Variants in RHOBTB2 observed in about 807,000 individuals in gnomAD.
The protein encoded by RHOBTB2 is rho-related BTB domain-containing protein 2.
RHOBTB2 carries 39 observed loss-of-function variants against 66.5 expected under a neutral mutation model. The observed-to-expected ratio is 0.59, with a 90% confidence interval of 0.45 to 0.77. The LOEUF is 0.77. RHOBTB2 is among the 30% of genes least tolerant of loss of function. RHOBTB2 has a pLI of 0.00. For missense variants in RHOBTB2, 755 were observed against 999.1 expected, an observed-to-expected ratio of 0.76 and a Z score of 3.29; for synonymous variants, 390 against 395.0, an observed-to-expected ratio of 0.99 and a Z score of 0.15.
chr8:22,972,929 G>A, the RHOBTB2 span, among the ~76,000 whole-genome samples: 1 of 152,132 alleles, frequency 6.6e-6, no homozygotes, highest in African/African-American at 2.4e-5. Context: ...GCCATCCTGC[G>A]ATGGGTGCAG....
chr8:22,951,530 A>G, the RHOBTB2 span, among the ~76,000 whole-genome samples: 1 of 152,114 alleles, frequency 6.6e-6, no homozygotes, highest in East Asian at 1.9e-4. Flanking sequence ...GTTTTGGGAT[A>G]GGCGGTGGAG....
At chr8:22,969,427 T>C in the RHOBTB2 span, among the ~76,000 whole-genome samples, 3 of 152,182 alleles carry the variant, frequency 2.0e-5, no homozygotes, top group African/African-American at 7.2e-5. Flanking sequence ...AGAAAGCCAT[T>C]ATAAACCAAT....
chr8:23,016,547 G>A (rs1293665816), intron 9 of RHOBTB2, among the ~76,000 whole-genome samples: 1 of 152,088 alleles, frequency 6.6e-6, no homozygotes, highest in Non-Finnish European at 1.5e-5. Context: ...GGGTAGCTGG[G>A]ATTACAGGTA....
At chr8:22,965,629 A>G in the RHOBTB2 span, among the ~76,000 whole-genome samples, 1 of 152,236 alleles carries the variant, frequency 6.6e-6, no homozygotes, top group African/African-American at 2.4e-5. Flanking sequence ...AAACCCTTGC[A>G]TATATGGTCA....
chr8:22,955,620 A>G, the RHOBTB2 span, among the ~76,000 whole-genome samples: 1 of 131,076 alleles, frequency 7.6e-6, no homozygotes, highest in Admixed American at 9.1e-5. Context: ...CCCAGGCTGG[A>G]GTACAGTGGC....
At chr8:22,976,132 C>A in the RHOBTB2 span, among the ~76,000 whole-genome samples, 4 of 151,472 alleles carry the variant, frequency 2.6e-5, no homozygotes. Context: ...GGTGACAGAG[C>A]GAGACTCTGT....
rs1361150996 is a variant in RHOBTB2, at chr8:23,007,186, C to T, written c.941C>T (p.Thr314Ile). 1 of 1,603,788 alleles carries T rather than the reference C, an allele frequency of 6.2e-7. No individual in the cohort carries two copies. The highest frequency in any genetic ancestry group is 1.3e-5 in the African/African-American group (1 of 74,890). ...ELGGPSEPGG[T>I]HPEDHQGHSD... ...GGGGGCCCCTCGGAGCCAGGGGGCA[C>T]CCACCCAGAGGACCACCAGGGCCAC... Residue 314 changes from threonine (T) to isoleucine (I), a missense_variant, in exon 5 of 10, where the codon ACC (threonine) becomes ATC (isoleucine). Physicochemically the swap from Thr to Ile is moderately conservative, Grantham distance 89. Transcript: ENST00000251822.
intron 7 of RHOBTB2, among the ~76,000 whole-genome samples, chr8:23,011,792 G>A (rs916166144): frequency 3.9e-5 from 6 of 152,176 alleles, no homozygotes; most frequent in East Asian, 3.8e-4. Context: ...TGCATAGGTC[G>A]GGGACAGAGA....
chr8:22,978,285 A>G, the RHOBTB2 span, among the ~76,000 whole-genome samples: 2 of 152,134 alleles, frequency 1.3e-5, no homozygotes, highest in African/African-American at 4.8e-5. Context: ...CAGTTTATTT[A>G]AAAAATACCC....
chr8:23,007,877 C>T (rs1043869704), intron 5 of RHOBTB2, 116 bp from the exon 6 acceptor site: 71 of 1,480,018 alleles, frequency 4.8e-5, no homozygotes, highest in Admixed American at 1.5e-4. Flanking sequence ...CAGCTGGGAG[C>T]GGGTTTGTTC....
At chr8:22,997,953 C>G (rs1404708806), upstream of RHOBTB2, among the ~76,000 whole-genome samples, 2 of 152,174 alleles carry the variant, frequency 1.3e-5, no homozygotes, top group Non-Finnish European at 2.9e-5. Context: ...ACTTTCTCTC[C>G]TAAATATGTA....
At chr8:22,986,265 CTTTTTTTTTTTT>C (rs33995780), upstream of RHOBTB2, among the ~76,000 whole-genome samples, 1 of 84,986 alleles carries the variant, frequency 1.2e-5, no homozygotes, top group Non-Finnish European at 2.2e-5. Flanking sequence ...CAGTGCATTG[CTTTTTTTTTTTT>C]TTTTTTTTTT....
chr8:23,003,731 A>G (rs2430810), intron 1 of RHOBTB2, among the ~76,000 whole-genome samples: 137,373 of 152,082 alleles, frequency 0.9, 62,057 homozygotes, highest in East Asian at 0.96. Context: ...CAGACCCCGA[A>G]TAGAGAAAGG....
At chr8:22,974,447 C>T in the RHOBTB2 span, among the ~76,000 whole-genome samples, 1 of 152,230 alleles carries the variant, frequency 6.6e-6, no homozygotes, top group East Asian at 1.9e-4. Context: ...TTTTTAGTGT[C>T]TTGGGTGAGA....
chr8:22,983,629 G>A (rs1810247367), upstream of RHOBTB2, among the ~76,000 whole-genome samples: 1 of 152,130 alleles, frequency 6.6e-6, no homozygotes, highest in Non-Finnish European at 1.5e-5. Flanking sequence ...TCTACCTTGA[G>A]GGAAAAAGGT....
At chr8:22,954,792 C>G in the RHOBTB2 span, among the ~76,000 whole-genome samples, 1,302 of 152,248 alleles carry the variant, frequency 8.6e-3, 15 homozygotes, top group African/African-American at 0.029. Context: ...ACCAAGGAAA[C>G]CATAGATTTG....
At chr8:22,997,499 G>T (rs1030475061), upstream of RHOBTB2, among the ~76,000 whole-genome samples, 4 of 152,134 alleles carry the variant, frequency 2.6e-5, no homozygotes, top group African/African-American at 9.7e-5. Flanking sequence ...CCACATTTTT[G>T]TCCAAGACCC....
At chr8:23,015,504 C>G in intron 8 of RHOBTB2, 134 bp from the exon 9 acceptor site, 1 of 617,390 alleles carries the variant, frequency 1.6e-6, no homozygotes, top group African/African-American at 1.9e-5. Flanking sequence ...TTGCCTCTGG[C>G]GCAGGCTCTC....
At position 23,007,034 on chromosome 8, in the gene RHOBTB2, G is replaced by A. The variant is rs763201281; in HGVS notation, c.789G>A (p.Pro263=). 68 of 1,608,726 alleles carry A rather than the reference G, an allele frequency of 4.2e-5. No individual in the cohort carries two copies. The Admixed American group carries it at 9.9e-4, about 23-fold the overall frequency. ...EECPAHLLED[P]LCADVILVLQ... ...GCCCCGCCCACCTCCTGGAGGACCC[G>A]CTCTGCGCGGACGTCATCCTGGTGC... The change falls in exon 5 of 10, where the codon CCG becomes CCA. Residue 263 remains proline (P), a synonymous_variant. Transcript: ENST00000251822.
Sources: allele counts gnomAD v4.1 joint callset (sites outside exome capture counted in the v4.1 genomes callset), GRCh38; gene constraint gnomAD v4.1.1; transcripts MANE v1.5; gene names NCBI Gene and HGNC (gene_info 2026-07-23, HGNC 2026-07-21).